Variants in C10orf90 observed in about 807,000 individuals in gnomAD.
C10orf90 encodes (E2-independent) E3 ubiquitin-conjugating enzyme FATS.
Under a neutral mutation model 62.5 loss-of-function variants are expected in C10orf90, and 56 were observed. The ratio of observed to expected loss-of-function variants is 0.90; its 90% CI spans 0.72 to 1.12. The LOEUF is 1.12. C10orf90 is among the 50% of genes most tolerant of loss of function. C10orf90 has a pLI of 0.00. For synonymous variants in C10orf90, 386 were observed against 340.4 expected, an observed-to-expected ratio of 1.13 and a Z score of -1.47; for missense variants, 970 against 880.4, an observed-to-expected ratio of 1.10 and a Z score of -1.29.
chr10:126,480,567 G>A (rs1160695335), intron 4 of C10orf90, among the ~76,000 whole-genome samples: 3 of 152,212 alleles, frequency 2.0e-5, no homozygotes, highest in Non-Finnish European at 4.4e-5. Flanking sequence ...GTTGTCCCCA[G>A]GGACTGGTGA....
chr10:126,483,514 A>T (rs1861270087), intron 4 of C10orf90, among the ~76,000 whole-genome samples: 1 of 152,240 alleles, frequency 6.6e-6, no homozygotes, highest in Non-Finnish European at 1.5e-5. Flanking sequence ...ATTTGCAAGC[A>T]TCGAGCTGAG....
At chr10:126,518,577 A>G (rs1440122215) in intron 2 of C10orf90, among the ~76,000 whole-genome samples, 1 of 152,138 alleles carries the variant, frequency 6.6e-6, no homozygotes, top group Non-Finnish European at 1.5e-5. Flanking sequence ...CATGAGAGCC[A>G]GCATGCTTTT....
chr10:126,550,906 T>C (rs983224130), intron 2 of C10orf90, among the ~76,000 whole-genome samples: 15 of 152,234 alleles, frequency 9.9e-5, no homozygotes, highest in Admixed American at 8.5e-4. Flanking sequence ...ACTGCCTTTC[T>C]CTAAACTAGG....
Position 126,426,109 on chromosome 10 carries a change from A to C in C10orf90, c.2253-19T>G, listed in dbSNP as rs779426814. 8.1e-6 allele frequency: 13 copies of C among 1,598,322 alleles called. No homozygotes were observed. Among genetic ancestry groups the C allele is most frequent in the Middle Eastern group, 3.3e-4 (2 of 6,032 alleles). ...ATAGATTCTGAAACAGATTCGGAAA[A>C]CATTTGGAATGGTAGCTTGACAGCG... On this transcript the variant is annotated intron_variant, in intron 8 of 9. Coordinates refer to ENST00000488181, the MANE Select transcript of C10orf90 (RefSeq NM_001350921.2).
intron 2 of C10orf90, chr10:126,524,684 C>T (rs1313720124): frequency 3.0e-6 from 3 of 986,130 alleles, no homozygotes; most frequent in Non-Finnish European, 3.6e-6. Context: ...GCCATGTCAG[C>T]TCCTCCTCTG....
At chr10:126,563,643 T>TATCCTGTCAAC (rs902427018) in intron 2 of C10orf90, among the ~76,000 whole-genome samples, 1 of 152,150 alleles carries the variant, frequency 6.6e-6, no homozygotes, top group Admixed American at 6.5e-5. Flanking sequence ...GATGAGCAAA[T>TATCCTGTCAAC]ATCCTGTCTG....
chr10:126,669,161 C>T (rs1389624721), intron 1 of C10orf90, among the ~76,000 whole-genome samples: 1 of 152,184 alleles, frequency 6.6e-6, no homozygotes, highest in East Asian at 1.9e-4. Context: ...ATTCTAATTG[C>T]ACACCTTTTG....
chr10:126,472,666 TA>T lies in C10orf90; in HGVS notation c.1535-7681del, dbSNP rs1860640031. The stretch of plus-strand genomic sequence containing the variant: ...TTACCAAGCAGGCAATGCTGCATGT[TA>T]AAAATTGGAAGAAAAAAAAATCAAG... On this transcript the variant is annotated intron_variant, in intron 4 of 9. Transcript: ENST00000488181. Among the ~76,000 whole-genome samples the T allele has an allele frequency of 2.0e-5, 3 of 152,154 alleles. No individual in the cohort carries two copies. In the South Asian group the frequency reaches 6.2e-4, roughly 32 times the overall value.
chr10:126,530,331 A>T (rs1384678879), intron 2 of C10orf90, among the ~76,000 whole-genome samples: 1 of 152,168 alleles, frequency 6.6e-6, no homozygotes, highest in Non-Finnish European at 1.5e-5. Context: ...TTCTTAAAAA[A>T]AAACAAATCA....
At chr10:126,494,744 A>G (rs1221008043) in intron 4 of C10orf90, among the ~76,000 whole-genome samples, 1 of 152,238 alleles carries the variant, frequency 6.6e-6, no homozygotes. Flanking sequence ...GGACCAGTTT[A>G]TATACTTCTC....
intron 2 of C10orf90, among the ~76,000 whole-genome samples, chr10:126,552,703 A>G (rs1864664086): frequency 6.6e-6 from 1 of 152,288 alleles, no homozygotes; most frequent in Non-Finnish European, 1.5e-5. Context: ...ATGCTGCAGC[A>G]GTACCTGCCG....
At chr10:126,502,349 C>T (rs10901621) in intron 4 of C10orf90, among the ~76,000 whole-genome samples, 15,439 of 152,310 alleles carry the variant, frequency 0.1, 1,045 homozygotes, top group East Asian at 0.21. Flanking sequence ...GCCACTGAAA[C>T]GCTTCACATG....
intron 2 of C10orf90, among the ~76,000 whole-genome samples, chr10:126,533,744 G>A (rs533342108): frequency 7.9e-5 from 12 of 152,322 alleles, no homozygotes; most frequent in South Asian, 2.1e-4. Context: ...TCCTGCCTGC[G>A]AAATGAGAAT....
intron 2 of C10orf90, among the ~76,000 whole-genome samples, chr10:126,631,796 C>T (rs1054060472): frequency 6.6e-6 from 1 of 151,686 alleles, no homozygotes; most frequent in Non-Finnish European, 1.5e-5. Context: ...ACCCAGCAAG[C>T]AGAGGCACAG....
At chr10:126,600,496 A>C (rs1220273635) in intron 2 of C10orf90, among the ~76,000 whole-genome samples, 1 of 152,198 alleles carries the variant, frequency 6.6e-6, no homozygotes, top group Non-Finnish European at 1.5e-5. Flanking sequence ...AACCAAAGCC[A>C]ATCAAATGCA....
Position 126,581,766 on chromosome 10 carries a change from G to GA in C10orf90, c.313+64798dup, listed in dbSNP as rs143952726. Among the ~76,000 whole-genome samples the GA allele has an allele frequency of 4.9e-4, 74 of 151,988 alleles. 3 individuals carry two copies. Among genetic ancestry groups the GA allele is most frequent in the African/African-American group, 1.3e-3 (52 of 41,460 alleles). On this transcript the variant is annotated intron_variant, in intron 2 of 9. Coordinates refer to ENST00000488181, the MANE Select transcript of C10orf90 (RefSeq NM_001350921.2). ...TTGTGATTCCTACACTCTAAGAACA[G>GA]AAAAAAAACTATGTTTCCCAGCAGA...
At chr10:126,556,588 T>C (rs144763258) in intron 2 of C10orf90, among the ~76,000 whole-genome samples, 159 of 152,304 alleles carry the variant, frequency 1.0e-3, no homozygotes, top group African/African-American at 3.7e-3. Flanking sequence ...CCTGTGGAAC[T>C]CCAGCAGAGT....
At chr10:126,602,216 C>A (rs1302146570) in intron 2 of C10orf90, among the ~76,000 whole-genome samples, 1 of 152,216 alleles carries the variant, frequency 6.6e-6, no homozygotes, top group Non-Finnish European at 1.5e-5. Flanking sequence ...ATCCTAATCA[C>A]CTCTTCCTAA....
intron 2 of C10orf90, among the ~76,000 whole-genome samples, chr10:126,606,363 C>T (rs1383012946): frequency 6.6e-6 from 1 of 152,178 alleles, no homozygotes; most frequent in East Asian, 1.9e-4. Context: ...ACACCATCGG[C>T]TGTTGGTCAG....
Sources: gnomAD v4.1 joint callset for allele counts (sites outside exome capture counted in the v4.1 genomes callset) on GRCh38, gnomAD v4.1.1 for gene constraint, MANE v1.5 for transcripts, NCBI Gene and HGNC (gene_info 2026-07-23, HGNC 2026-07-21) for gene names.